Variants in ZFPM2 observed in about 807,000 individuals in gnomAD.
ZFPM2 encodes zinc finger protein ZFPM2.
A neutral mutation model predicts 98.6 loss-of-function variants in ZFPM2; 20 were observed. That is an observed-to-expected ratio of 0.20 (90% CI 0.14 to 0.29). The LOEUF (loss-of-function observed/expected upper bound fraction) is 0.29. Among genes scored for constraint, ZFPM2 ranks in the 10% least tolerant of loss-of-function variants. The pLI is 1.00. For missense variants in ZFPM2, 1,310 were observed against 1,388.6 expected, an observed-to-expected ratio of 0.94 and a Z score of 0.90; for synonymous variants, 518 against 502.7, an observed-to-expected ratio of 1.03 and a Z score of -0.41.
At chr8:105,371,781 G>A (rs1198888956) in intron 1 of ZFPM2, among the ~76,000 whole-genome samples, 1 of 152,044 alleles carries the variant, frequency 6.6e-6, no homozygotes, top group African/African-American at 2.4e-5. Context: ...CATAAAAAAT[G>A]TTATAAAGGA....
chr8:105,733,116 G>A (rs1269389541), intron 5 of ZFPM2, among the ~76,000 whole-genome samples: 5 of 151,752 alleles, frequency 3.3e-5, no homozygotes, highest in African/African-American at 4.8e-5. Flanking sequence ...TCTATTATGA[G>A]GTAATAGATA....
At chr8:105,609,059 TA>T (rs373653767) in intron 4 of ZFPM2, among the ~76,000 whole-genome samples, 8 of 151,406 alleles carry the variant, frequency 5.3e-5, no homozygotes, top group East Asian at 3.9e-4. Flanking sequence ...CACACACAAT[TA>T]AAAAAAAGCA....
chr8:105,679,841 T>C (rs543036542), intron 5 of ZFPM2, among the ~76,000 whole-genome samples: 1 of 151,906 alleles, frequency 6.6e-6, no homozygotes, highest in East Asian at 1.9e-4. Flanking sequence ...AAACATTTTG[T>C]AATAACCAAA....
intron 5 of ZFPM2, among the ~76,000 whole-genome samples, chr8:105,714,774 A>C (rs2130984354): frequency 6.6e-6 from 1 of 152,200 alleles, no homozygotes; most frequent in African/African-American, 2.4e-5. Context: ...CAAATGCTAC[A>C]AGTTAGGCAT....
At chr8:105,624,597 A>G (rs1221696879) in intron 4 of ZFPM2, among the ~76,000 whole-genome samples, 3 of 152,154 alleles carry the variant, frequency 2.0e-5, no homozygotes, top group East Asian at 3.9e-4. Context: ...AGAGTGAGTA[A>G]TCTTGAAGAA....
intron 3 of ZFPM2, among the ~76,000 whole-genome samples, chr8:105,534,233 TCCCTCCC>T (rs1814393574): frequency 1.2e-4 from 6 of 48,266 alleles, no homozygotes; most frequent in Admixed American, 4.9e-4. Flanking sequence ...CCTCCCTTCC[TCCCTCCC>T]TCCTCCCTCC....
At chr8:105,675,934 A>G (rs1295102452) in intron 5 of ZFPM2, 1 of 152,206 alleles carries the variant, frequency 6.6e-6, no homozygotes, top group Non-Finnish European at 1.5e-5. Flanking sequence ...AAAGTCACAC[A>G]GTTAGCAAAA....
At chr8:105,625,342 A>G (rs961650953) in intron 4 of ZFPM2, among the ~76,000 whole-genome samples, 2 of 152,144 alleles carry the variant, frequency 1.3e-5, no homozygotes. Flanking sequence ...TTCTTTTAAT[A>G]GGAGTTTGGA....
intron 6 of ZFPM2, among the ~76,000 whole-genome samples, chr8:105,790,323 C>T (rs1050447899): frequency 6.6e-6 from 1 of 151,934 alleles, no homozygotes; most frequent in African/African-American, 2.4e-5. Context: ...GTTTTCCCAG[C>T]ACCATTTATT....
intron 5 of ZFPM2, among the ~76,000 whole-genome samples, chr8:105,636,101 T>C (rs1816842325): frequency 6.6e-6 from 1 of 152,154 alleles, no homozygotes; most frequent in South Asian, 2.1e-4. Context: ...ACCCATTGCA[T>C]GAGGTCAGTT....
intron 1 of ZFPM2, among the ~76,000 whole-genome samples, chr8:105,381,609 A>G (rs181020586): frequency 9.1e-4 from 139 of 152,256 alleles, no homozygotes; most frequent in Middle Eastern, 3.4e-3. Flanking sequence ...GTCAGGAAAC[A>G]CATTTGTCCA....
intron 5 of ZFPM2, among the ~76,000 whole-genome samples, chr8:105,668,991 G>T (rs552385384): frequency 1.3e-5 from 2 of 152,228 alleles, no homozygotes; most frequent in African/African-American, 4.8e-5. Context: ...ATATCAAGTT[G>T]TTTAAATATT....
At chr8:105,553,474 T>C (rs1175930133) in intron 3 of ZFPM2, among the ~76,000 whole-genome samples, 2 of 152,190 alleles carry the variant, frequency 1.3e-5, no homozygotes, top group Non-Finnish European at 2.9e-5. Context: ...TTTAGACCAT[T>C]CCAGTGTGTT....
intron 3 of ZFPM2, among the ~76,000 whole-genome samples, chr8:105,483,274 A>T (rs1370054262): frequency 1.3e-5 from 2 of 152,078 alleles, no homozygotes; most frequent in African/African-American, 4.8e-5. Flanking sequence ...CTGTTGAATA[A>T]TAAATTGGCT....
intron 3 of ZFPM2, among the ~76,000 whole-genome samples, chr8:105,489,113 T>C (rs948731184): frequency 5.3e-5 from 8 of 152,026 alleles, no homozygotes; most frequent in Admixed American, 5.2e-4. Flanking sequence ...CCCATGAAGG[T>C]ATAATATAGC....
chr8:105,473,617 G>T (rs968970683), intron 3 of ZFPM2, among the ~76,000 whole-genome samples: 1 of 152,128 alleles, frequency 6.6e-6, no homozygotes, highest in Non-Finnish European at 1.5e-5. Context: ...GAGTTTAAAA[G>T]CCATTGAGTT....
chr8:105,611,095 A>G (rs573450538), intron 4 of ZFPM2, among the ~76,000 whole-genome samples: 3 of 152,312 alleles, frequency 2.0e-5, no homozygotes, highest in South Asian at 4.1e-4. Context: ...CATTGAGTTT[A>G]TACATTATTT....
chr8:105,502,401 T>C (rs1426331828), intron 3 of ZFPM2, among the ~76,000 whole-genome samples: 1 of 152,032 alleles, frequency 6.6e-6, no homozygotes, highest in East Asian at 1.9e-4. Flanking sequence ...ACTGAAGAGT[T>C]ACTAATTAAT....
At chr8:105,574,296 A>G (rs74722372) in intron 4 of ZFPM2, among the ~76,000 whole-genome samples, 352 of 152,354 alleles carry the variant, frequency 2.3e-3, no homozygotes, top group African/African-American at 8.1e-3. Flanking sequence ...ATCTAAGCAG[A>G]CAGTCACCAT....
Sources: gnomAD v4.1 joint callset for allele counts (sites outside exome capture counted in the v4.1 genomes callset) on GRCh38, gnomAD v4.1.1 for gene constraint, MANE v1.5 for transcripts, NCBI Gene and HGNC (gene_info 2026-07-23, HGNC 2026-07-21) for gene names.